Variants in C3orf33 observed in about 807,000 individuals in gnomAD.
C3orf33 encodes mitochondrial inner membrane subdomain organizer 1.
A neutral mutation model predicts 28.7 loss-of-function variants in C3orf33; 23 were observed. That is an observed-to-expected ratio of 0.80 (90% CI 0.58 to 1.13). The LOEUF (loss-of-function observed/expected upper bound fraction) is 1.13. Ranked by LOEUF, C3orf33 falls within the 50% of genes most tolerant of loss-of-function variation. The pLI, the probability that C3orf33 is intolerant of heterozygous loss-of-function variation, is 0.00. For synonymous variants in C3orf33, 119 were observed against 120.5 expected (o/e 0.99, Z 0.08); for missense variants, 327 against 353.4 (o/e 0.93, Z 0.60).
chr3:155,789,227 C>A (rs548104002), intron 2 of C3orf33, among the ~76,000 whole-genome samples: 11 of 151,998 alleles, frequency 7.2e-5, no homozygotes, highest in Non-Finnish European at 1.2e-4. Context: ...CGCTTGTAAT[C>A]CTAGCTACTC....
intron 3 of C3orf33, among the ~76,000 whole-genome samples, chr3:155,770,962 C>CTGTGTGTGTGTGTG (rs3068982): frequency 0.016 from 2,030 of 129,974 alleles, 76 homozygotes; most frequent in African/African-American, 0.038. Context: ...GCATGAACCA[C>CTGTGTGTGTGTGTG]TGTGTGTGTG....
chr3:155,785,810 G>A (rs1487421619), intron 2 of C3orf33, among the ~76,000 whole-genome samples: 1 of 152,024 alleles, frequency 6.6e-6, no homozygotes, highest in Non-Finnish European at 1.5e-5. Flanking sequence ...AGGTCTAGGT[G>A]GGCAGATCAC....
chr3:155,770,715 C>G (rs767276833), intron 3 of C3orf33, among the ~76,000 whole-genome samples: 1 of 152,138 alleles, frequency 6.6e-6, no homozygotes, highest in Non-Finnish European at 1.5e-5. Context: ...GTCACCCAGG[C>G]TGAAGTGCAA....
At chr3:155,800,244 C>A (rs557892153) in intron 2 of C3orf33, among the ~76,000 whole-genome samples, 1 of 152,018 alleles carries the variant, frequency 6.6e-6, no homozygotes, top group East Asian at 1.9e-4. Context: ...AAAACATAGA[C>A]AAATTGGACT....
intron 3 of C3orf33, among the ~76,000 whole-genome samples, chr3:155,768,214 T>C (rs113579498): frequency 0.012 from 1,503 of 129,662 alleles, 11 homozygotes; most frequent in Admixed American, 0.03. Context: ...TCAGAACAAG[T>C]AGTGAGATTT....
chr3:155,778,272 C>A (rs967997023), intron 2 of C3orf33, among the ~76,000 whole-genome samples: 8 of 151,448 alleles, frequency 5.3e-5, no homozygotes, highest in Admixed American at 2.0e-4. Context: ...AATAAAGGAC[C>A]TTTTTTAGAA....
At chr3:155,793,374 TA>T (rs1413693772) in intron 2 of C3orf33, among the ~76,000 whole-genome samples, 7 of 108,680 alleles carry the variant, frequency 6.4e-5, no homozygotes, top group African/African-American at 8.8e-5. Context: ...TCAATCTGAT[TA>T]AAAAAAAAAG....
intron 2 of C3orf33, among the ~76,000 whole-genome samples, chr3:155,790,477 G>A (rs929942416): frequency 8.5e-5 from 13 of 152,086 alleles, no homozygotes; most frequent in African/African-American, 3.1e-4. Flanking sequence ...CCTCCCCACA[G>A]GAATACCAAT....
At chr3:155,765,630 C>G (rs1184107283) in intron 4 of C3orf33, among the ~76,000 whole-genome samples, 1 of 152,164 alleles carries the variant, frequency 6.6e-6, no homozygotes, top group Non-Finnish European at 1.5e-5. Context: ...TTACTGTAAC[C>G]TCCGCCTCCA....
chr3:155,784,491 G>C (rs933729557), intron 2 of C3orf33, among the ~76,000 whole-genome samples: 2 of 152,040 alleles, frequency 1.3e-5, no homozygotes, highest in Non-Finnish European at 2.9e-5. Flanking sequence ...TGTAATCCCA[G>C]CACTTTGGCA....
At position 155,775,831 on chromosome 3, in the gene C3orf33, G is replaced by C; in HGVS notation, c.192C>G (p.Ser64Arg). ...RSIRLTSKFT[S>R]SSDIPVEFIR... The stretch of plus-strand genomic sequence containing the variant: ...TAAATTCTACTGGAATATCCGAAGA[G>C]CTTGTAAATTTTGATGTCTATTGAT... The change falls in exon 3 of 5, where the codon AGC becomes AGG. Residue 64 changes from serine to arginine, a missense_variant. Physicochemically the swap from Ser to Arg is moderately radical, Grantham distance 110. Transcript: ENST00000340171. The C allele has an allele frequency of 4.4e-6, 7 of 1,590,376 alleles. No homozygotes were observed. Among genetic ancestry groups the C allele is most frequent in the Non-Finnish European group, 6.0e-6 (7 of 1,163,412 alleles).
intron 2 of C3orf33, among the ~76,000 whole-genome samples, chr3:155,782,257 T>C (rs1252106602): frequency 1.3e-5 from 2 of 149,046 alleles, no homozygotes; most frequent in East Asian, 3.9e-4. Context: ...AAGGAATCTA[T>C]GGAACACCAT....
At chr3:155,784,819 CA>C (rs1751050063) in intron 2 of C3orf33, among the ~76,000 whole-genome samples, 2 of 150,014 alleles carry the variant, frequency 1.3e-5, no homozygotes, top group South Asian at 2.1e-4. Context: ...AAATGAGGGA[CA>C]AAAAAACCTA....
chr3:155,776,759 C>CAAAAAAAAAAAAAAAAAAAAAAA lies in C3orf33; in HGVS notation c.175-934_175-912dup, dbSNP rs10654812. ...TGACAGAGCGAGAACCTGACTCTGT[C>CAAAAAAAAAAAAAAAAAAAAAAA]AAAAAAAAAAAAAAAAAAAAAAAAA... On this transcript the variant is annotated intron_variant, in intron 2 of 4. Coordinates refer to ENST00000340171, the MANE Select transcript of C3orf33 (RefSeq NM_001308229.2). Among the ~76,000 whole-genome samples, 21 of 86,888 alleles carry CAAAAAAAAAAAAAAAAAAAAAAA rather than the reference C, an allele frequency of 2.4e-4. 1 individual carries two copies. Among genetic ancestry groups the CAAAAAAAAAAAAAAAAAAAAAAA allele is most frequent in the Non-Finnish European group, 3.6e-4 (15 of 41,498 alleles). 57.0% of individuals were successfully genotyped at this position (86,888 alleles called of 152,430 possible).
Position 155,763,432 on chromosome 3 carries a change from C to T in C3orf33, c.*85G>A, listed in dbSNP as rs990388300. The T allele has an allele frequency of 8.6e-6, 9 of 1,052,250 alleles. No individual in the cohort carries two copies. The highest frequency in any genetic ancestry group is 3.9e-5 in the Admixed American group (1 of 25,516). The allele number at this position is 1,052,250 out of a possible 1,614,324, so 65.2% of individuals were successfully genotyped here. A position where few individuals can be genotyped will look rare whatever the true frequency, so the allele number is the denominator to read the frequency against. Reference sequence around the variant, plus strand: ...CTAACACTTTGATCATTTGGCAAAACTTCCATTTTGATTCAATGAAAAACG... The same window carrying T: ...CTAACACTTTGATCATTTGGCAAAATTTCCATTTTGATTCAATGAAAAACG... On this transcript the variant is annotated 3_prime_UTR_variant, in exon 5 of 5. Transcript: ENST00000340171.
At chr3:155,776,971 GAAAT>G (rs939688380) in intron 2 of C3orf33, among the ~76,000 whole-genome samples, 4 of 151,876 alleles carry the variant, frequency 2.6e-5, no homozygotes, top group East Asian at 1.9e-4. Flanking sequence ...TGAGATTTAA[GAAAT>G]AAATAAAATA....
At chr3:155,781,605 T>C (rs931727887) in intron 2 of C3orf33, among the ~76,000 whole-genome samples, 10 of 150,554 alleles carry the variant, frequency 6.6e-5, no homozygotes, top group Middle Eastern at 3.4e-3. Flanking sequence ...CCATCTCTAC[T>C]AAAAATACAA....
intron 3 of C3orf33, among the ~76,000 whole-genome samples, chr3:155,774,486 T>A (rs1750679693): frequency 6.6e-6 from 1 of 151,894 alleles, no homozygotes; most frequent in Non-Finnish European, 1.5e-5. Context: ...AGCAGGAAGG[T>A]CTGTGTGTCT....
chr3:155,801,643 AC>A (rs2109283312), intron 2 of C3orf33, among the ~76,000 whole-genome samples: 1 of 152,340 alleles, frequency 6.6e-6, no homozygotes, highest in South Asian at 2.1e-4. Context: ...ATATAATGCC[AC>A]TTACATGAGA....
Sources: allele counts gnomAD v4.1 joint callset (sites outside exome capture counted in the v4.1 genomes callset), GRCh38; gene constraint gnomAD v4.1.1; transcripts MANE v1.5; gene names NCBI Gene and HGNC (gene_info 2026-07-23, HGNC 2026-07-21).